Variants in TMEM154 observed in about 807,000 individuals in gnomAD.
The protein encoded by TMEM154 is transmembrane protein 154.
Under a neutral mutation model 24.5 loss-of-function variants are expected in TMEM154, and 27 were observed. The ratio of observed to expected loss-of-function variants is 1.10; its 90% CI spans 0.81 to 1.52. TMEM154 has a LOEUF of 1.52. Among genes scored for constraint, TMEM154 ranks in the 40% most tolerant of loss-of-function variants. The pLI is 0.00. For synonymous variants in TMEM154, 67 were observed against 76.8 expected (o/e 0.87, Z 0.67); for missense variants, 228 against 213.4 (o/e 1.07, Z -0.43).
At chr4:152,675,729 T>A (rs1388046937) in intron 1 of TMEM154, among the ~76,000 whole-genome samples, 1 of 152,244 alleles carries the variant, frequency 6.6e-6, no homozygotes, top group Non-Finnish European at 1.5e-5. Flanking sequence ...ACAAGGTGAT[T>A]GCACTAATCT....
intron 1 of TMEM154, among the ~76,000 whole-genome samples, chr4:152,677,149 C>A (rs4696144): frequency 0.94 from 143,157 of 152,178 alleles, 67,800 homozygotes; most frequent in East Asian, 1. Flanking sequence ...TCACCCATTC[C>A]ATTATAGTCC....
intron 6 of TMEM154, among the ~76,000 whole-genome samples, chr4:152,637,405 C>T (rs1401499025): frequency 2.0e-5 from 3 of 152,036 alleles, no homozygotes; most frequent in African/African-American, 4.8e-5. Flanking sequence ...ATTAGCCAGG[C>T]GTGGTGGTGG....
chr4:152,638,466 A>G (rs1269066762), intron 6 of TMEM154, among the ~76,000 whole-genome samples: 1 of 152,204 alleles, frequency 6.6e-6, no homozygotes, highest in African/African-American at 2.4e-5. Context: ...TGCTTCGCCC[A>G]CCAGTATTGA....
At chr4:152,639,206 C>T (rs375922671) in intron 6 of TMEM154, among the ~76,000 whole-genome samples, 1 of 152,146 alleles carries the variant, frequency 6.6e-6, no homozygotes. Flanking sequence ...CTGCCTCAGC[C>T]TCCCAAAGTG....
In TMEM154 at chr4:152,628,137, A is replaced by G. The variant is rs62320818; in HGVS notation, c.*409T>C. On this transcript the variant is annotated 3_prime_UTR_variant, in exon 7 of 7. Transcript: ENST00000304385. Reference sequence around the variant, plus strand: ...TTATCCAAAGCTGGTTACTGACCCAAAAGGAAACCATCGATAAAACAGCTT... The same window carrying G: ...TTATCCAAAGCTGGTTACTGACCCAGAAGGAAACCATCGATAAAACAGCTT... 5.8e-3 allele frequency: 1,180 copies of G among 204,148 alleles called. 21 individuals carry two copies. Among genetic ancestry groups the G allele is most frequent in the Non-Finnish European group, 4.5e-3 (453 of 100,430 alleles). The allele number at this position is 204,148 out of a possible 1,614,324, so 12.6% of individuals were successfully genotyped here.
intron 1 of TMEM154, among the ~76,000 whole-genome samples, chr4:152,678,922 A>G (rs1579543983): frequency 6.6e-6 from 1 of 152,308 alleles, no homozygotes; most frequent in East Asian, 1.9e-4. Context: ...AAGTTGTCAC[A>G]TCTGTTAGGT....
At position 152,679,829 on chromosome 4, in the gene TMEM154, G is replaced by A. The variant is rs748756463; in HGVS notation, c.64+41C>T. 6 of 1,584,878 alleles carry A rather than the reference G, an allele frequency of 3.8e-6. No individual in the cohort carries two copies. The South Asian group carries it at 4.6e-5, about 12-fold the overall frequency. On this transcript the variant is annotated intron_variant, in intron 1 of 6. Coordinates refer to ENST00000304385, the MANE Select transcript of TMEM154 (RefSeq NM_152680.3). ...AGCCTCGGGCACCCTACCAGCTTTT[G>A]CGATCCTCCTTCCCAGGAGTAGGAA... is the stretch of plus-strand genomic sequence containing the variant.
intron 1 of TMEM154, among the ~76,000 whole-genome samples, chr4:152,658,749 G>T (rs1427040307): frequency 6.6e-6 from 1 of 151,960 alleles, no homozygotes. Context: ...GGAGTTGGAG[G>T]TTGCAGTGAA....
At chr4:152,670,113 TA>T (rs1728796332) in intron 1 of TMEM154, 1 of 152,258 alleles carries the variant, frequency 6.6e-6, no homozygotes, top group South Asian at 2.1e-4. Flanking sequence ...ATCCTTTCTG[TA>T]AATAATTTTG....
chr4:152,638,190 C>T (rs1752185937), intron 6 of TMEM154, among the ~76,000 whole-genome samples: 1 of 152,206 alleles, frequency 6.6e-6, no homozygotes, highest in Non-Finnish European at 1.5e-5. Context: ...CATTTAGGCC[C>T]AGGAGGTTGA....
intron 1 of TMEM154, among the ~76,000 whole-genome samples, chr4:152,656,512 T>A (rs1448213382): frequency 6.6e-6 from 1 of 151,900 alleles, no homozygotes; most frequent in Non-Finnish European, 1.5e-5. Flanking sequence ...GCAGAATAAA[T>A]CATATGGAGA....
At position 152,679,966 on chromosome 4, in the gene TMEM154, TGCTGCGCCGG is replaced by T; in HGVS notation, c.-43_-34del. On this transcript the variant is annotated 5_prime_UTR_variant, in exon 1 of 7. Transcript: ENST00000304385. Reference sequence around the variant, plus strand: ...CGCCTCGGCAGAGGCGCGCTCAGGATGCTGCGCCGGGCTGCAGCCTCTCTGAAACGTGAAC... The same window carrying T: ...CGCCTCGGCAGAGGCGCGCTCAGGATGCTGCAGCCTCTCTGAAACGTGAAC... 1 of 1,584,526 alleles carries T rather than the reference TGCTGCGCCGG, an allele frequency of 6.3e-7. No homozygotes were observed. The highest frequency in any genetic ancestry group is 8.6e-7 in the Non-Finnish European group (1 of 1,162,544).
intron 1 of TMEM154, among the ~76,000 whole-genome samples, chr4:152,657,308 G>T (rs1728510542): frequency 6.6e-6 from 1 of 151,714 alleles, no homozygotes; most frequent in African/African-American, 2.4e-5. Context: ...GAGCTCATGA[G>T]TTCAAGGCCA....
intron 4 of TMEM154, among the ~76,000 whole-genome samples, chr4:152,643,866 C>A (rs989556109): frequency 6.6e-6 from 1 of 152,004 alleles, no homozygotes; most frequent in Non-Finnish European, 1.5e-5. Context: ...ATGGCATCAC[C>A]CCAGAACATG....
In TMEM154 at chr4:152,619,664, A is replaced by G. The variant is rs556667458; in HGVS notation, c.*8882T>C. ...CAGCTGCCATGCTGTGAAGAAGCCC[A>G]AGGAGTCTATGGAGAGGCCCACATC... On this transcript the variant is annotated 3_prime_UTR_variant, in exon 7 of 7. Transcript: ENST00000304385. The G allele has an allele frequency of 3.3e-5, 5 of 152,192 alleles. No homozygotes were observed. The highest frequency in any genetic ancestry group is 3.3e-4 in the Admixed American group (5 of 15,280). The allele number at this position is 152,192 out of a possible 1,614,324, so 9.4% of individuals were successfully genotyped here.
At chr4:152,632,570 T>G (rs139475062) in intron 6 of TMEM154, among the ~76,000 whole-genome samples, 4 of 152,342 alleles carry the variant, frequency 2.6e-5, no homozygotes, top group Non-Finnish European at 5.9e-5. Context: ...CATGGTTGAG[T>G]CTTTCATCAG....
chr4:152,648,686 G>A (rs1289523977), intron 3 of TMEM154, among the ~76,000 whole-genome samples: 1 of 152,200 alleles, frequency 6.6e-6, no homozygotes, highest in East Asian at 1.9e-4. Context: ...CCATGTCTGA[G>A]GTTGAGGCTG....
chr4:152,628,598 AAAACAC>A (rs1561042681), intron 6 of TMEM154, 37 bp from the exon 7 acceptor site: 14 of 1,168,422 alleles, frequency 1.2e-5, no homozygotes, highest in African/African-American at 5.6e-5. Context: ...AAAAACAAAA[AAAACAC>A]ACACACACAC....
At chr4:152,651,184 A>AT (rs36036886) in intron 3 of TMEM154, among the ~76,000 whole-genome samples, 58,251 of 145,060 alleles carry the variant, frequency 0.4, 11,701 homozygotes, top group Admixed American at 0.5. Context: ...CCTAGATGGC[A>AT]TTTTTTTTTT....
Sources: gnomAD v4.1 joint callset for allele counts (sites outside exome capture counted in the v4.1 genomes callset) on GRCh38, gnomAD v4.1.1 for gene constraint, MANE v1.5 for transcripts, NCBI Gene and HGNC (gene_info 2026-07-23, HGNC 2026-07-21) for gene names.